The following IPO11 variants were observed in gnomAD, a reference collection of about 807,000 sequenced individuals.
IPO11 encodes the protein importin-11.
A neutral mutation model predicts 143.2 loss-of-function variants in IPO11; 66 were observed. The ratio of observed to expected loss-of-function variants is 0.46; its 90% confidence interval spans 0.38 to 0.57. The LOEUF is 0.57. Ranked by LOEUF, IPO11 falls within the 20% of genes least tolerant of loss-of-function variation. The pLI is 0.00. For missense variants in IPO11, 1,026 were observed against 1,141.0 expected, an observed-to-expected ratio of 0.90 and a Z score of 1.45; for synonymous variants, 385 against 377.8, an observed-to-expected ratio of 1.02 and a Z score of -0.22.
At chr5:62,608,357 G>A (rs1200454320) in intron 29 of IPO11, among the ~76,000 whole-genome samples, 1 of 152,096 alleles carries the variant, frequency 6.6e-6, no homozygotes, top group Non-Finnish European at 1.5e-5. Flanking sequence ...CTGTATCTGG[G>A]GGCCTGGGAA....
intron 26 of IPO11, 61 bp from the exon 27 acceptor site, chr5:62,561,075 T>C: frequency 6.9e-7 from 1 of 1,451,506 alleles, no homozygotes; most frequent in Non-Finnish European, 9.3e-7. Flanking sequence ...CCTTTAAAAG[T>C]ATTTACCCAC....
intron 24 of IPO11, among the ~76,000 whole-genome samples, chr5:62,540,765 A>G (rs142805141): frequency 6.6e-6 from 1 of 152,354 alleles, no homozygotes; most frequent in Non-Finnish European, 1.5e-5. Flanking sequence ...GCTTATATAT[A>G]TAAACAGTTA....
chr5:62,572,410 CAT>C (rs1744159612), intron 27 of IPO11, among the ~76,000 whole-genome samples: 1 of 152,074 alleles, frequency 6.6e-6, no homozygotes, highest in African/African-American at 2.4e-5. Flanking sequence ...GAAGAGATGA[CAT>C]AGAAAATACA....
At chr5:62,470,381 T>G (rs1466437437) in intron 7 of IPO11, 73 bp downstream of exon 7, 1 of 1,281,100 alleles carries the variant, frequency 7.8e-7, no homozygotes, top group Non-Finnish European at 1.1e-6. Flanking sequence ...GAGTGCTCTT[T>G]TTATTTGGCA....
intron 29 of IPO11, among the ~76,000 whole-genome samples, chr5:62,604,110 AC>A (rs1745610628): frequency 6.6e-6 from 1 of 152,248 alleles, no homozygotes; most frequent in African/African-American, 2.4e-5. Context: ...AACTTGCCTA[AC>A]AATGCATTTC....
At chr5:62,443,329 G>T in intron 3 of IPO11, 1 of 352,476 alleles carries the variant, frequency 2.8e-6, no homozygotes, top group South Asian at 6.5e-5. Context: ...GTTCTATTTA[G>T]GTAATGACAA....
At chr5:62,609,432 A>G (rs968567241) in intron 29 of IPO11, among the ~76,000 whole-genome samples, 2 of 152,330 alleles carry the variant, frequency 1.3e-5, no homozygotes, top group African/African-American at 2.4e-5. Context: ...TCAAATCCCT[A>G]TAATAAGGCC....
chr5:62,582,035 G>A (rs1744586594), intron 27 of IPO11, among the ~76,000 whole-genome samples: 1 of 152,186 alleles, frequency 6.6e-6, no homozygotes, highest in African/African-American at 2.4e-5. Context: ...CGTGAATGAT[G>A]GTGTGCGATT....
chr5:62,620,517 TAAAAAAAAAAAAAAA>T (rs71608518), intron 29 of IPO11, among the ~76,000 whole-genome samples: 1 of 105,806 alleles, frequency 9.5e-6, no homozygotes, highest in Non-Finnish European at 1.9e-5. Flanking sequence ...AGACTCTGTC[TAAAAAAAAAAAAAAA>T]AAAAAAAATA....
intron 27 of IPO11, among the ~76,000 whole-genome samples, chr5:62,572,541 G>GTTTATTTATTTATTTA (rs767768834): frequency 7.1e-6 from 1 of 141,668 alleles, no homozygotes; most frequent in East Asian, 2.1e-4. Flanking sequence ...ATGTATATTT[G>GTTTATTTATTTATTTA]TTTGTTTATT....
intron 5 of IPO11, among the ~76,000 whole-genome samples, chr5:62,459,875 G>T (rs1051923874): frequency 2.0e-5 from 3 of 151,994 alleles, no homozygotes; most frequent in Non-Finnish European, 4.4e-5. Flanking sequence ...ACAAAAAAAC[G>T]GATTATTACT....
intron 26 of IPO11, among the ~76,000 whole-genome samples, chr5:62,553,345 TG>T (rs1439546818): frequency 5.4e-4 from 69 of 127,258 alleles, no homozygotes; most frequent in South Asian, 1.2e-3. Context: ...TGTGTGTGTG[TG>T]TGTGTGTGTG....
intron 1 of IPO11, among the ~76,000 whole-genome samples, chr5:62,415,703 G>C (rs1304372353): frequency 6.6e-6 from 1 of 150,550 alleles, no homozygotes; most frequent in Non-Finnish European, 1.5e-5. Context: ...CTCGACCTCA[G>C]GTGATCCCCC....
rs773785464 is a variant in IPO11 at position 62,537,250 on chromosome 5, A to G, written c.2211A>G (p.Leu737=). ...VGLCQSFCEL[L]KEITTEGQVQ... is the part of the protein sequence containing the mutation. Reference sequence around the variant, plus strand: ...TATGCCAGTCCTTTTGTGAACTTTTAAAGGAAATTACTACAGAAGGTCAAG... The same window carrying G: ...TATGCCAGTCCTTTTGTGAACTTTTGAAGGAAATTACTACAGAAGGTCAAG... The change falls in exon 24 of 30, where the codon TTA becomes TTG. Residue 737 remains leucine (L), a synonymous_variant. Coordinates refer to ENST00000325324, the MANE Select transcript of IPO11 (RefSeq NM_016338.5). 6.2e-7 allele frequency: 1 copy of G among 1,607,126 alleles called. No individual in the cohort carries two copies. Among genetic ancestry groups the G allele is most frequent in the South Asian group, 1.1e-5 (1 of 90,320 alleles).
intron 5 of IPO11, among the ~76,000 whole-genome samples, chr5:62,453,108 C>T (rs1745002207): frequency 6.6e-6 from 1 of 150,736 alleles, no homozygotes; most frequent in African/African-American, 2.5e-5. Context: ...TGCTGCCCTC[C>T]AAAAAAGAAG....
chr5:62,479,044 G>T (rs1746077944), intron 9 of IPO11, among the ~76,000 whole-genome samples: 1 of 152,130 alleles, frequency 6.6e-6, no homozygotes, highest in South Asian at 2.1e-4. Flanking sequence ...CAATTAACTT[G>T]TTATTTGCAT....
At chr5:62,431,393 GTTGT>G (rs947058067) in intron 1 of IPO11, among the ~76,000 whole-genome samples, 4 of 151,494 alleles carry the variant, frequency 2.6e-5, no homozygotes, top group African/African-American at 7.3e-5. Flanking sequence ...GCAATTTTTT[GTTGT>G]TTGTTTGTTT....
At chr5:62,489,195 ATACT>A in intron 13 of IPO11, 103 bp from the exon 14 acceptor site, 1 of 569,300 alleles carries the variant, frequency 1.8e-6, no homozygotes. Context: ...GAAATGTGTT[ATACT>A]TAATTGAATT....
chr5:62,472,522 T>C (rs147756806), intron 7 of IPO11, among the ~76,000 whole-genome samples: 19 of 148,798 alleles, frequency 1.3e-4, no homozygotes, highest in African/African-American at 4.7e-4. Context: ...TCAAATAATA[T>C]AAAAATCTTT....
Sources: gnomAD v4.1 joint callset for allele counts (sites outside exome capture counted in the v4.1 genomes callset) on GRCh38, gnomAD v4.1.1 for gene constraint, MANE v1.5 for transcripts, NCBI Gene and HGNC (gene_info 2026-07-23, HGNC 2026-07-21) for gene names.